SMAD9: variants seen among roughly 807,000 people sequenced by gnomAD.
SMAD9 encodes the protein MAD homolog 9.
In SMAD9, 36 loss-of-function variants were observed where a neutral mutation model predicts 46.1. That is an observed-to-expected ratio of 0.78 (90% CI 0.60 to 1.03). The LOEUF (loss-of-function observed/expected upper bound fraction) is 1.03. SMAD9 is among the 50% of genes least tolerant of loss of function. The pLI, the probability that SMAD9 is intolerant of heterozygous loss-of-function variation, is 0.00. For missense variants in SMAD9, 572 were observed against 599.8 expected, an observed-to-expected ratio of 0.95 and a Z score of 0.48; for synonymous variants, 245 against 237.1, an observed-to-expected ratio of 1.03 and a Z score of -0.31.
intron 1 of SMAD9, among the ~76,000 whole-genome samples, chr13:36,906,409 T>C (rs2058620459): frequency 6.6e-6 from 1 of 152,064 alleles, no homozygotes; most frequent in African/African-American, 2.4e-5. Flanking sequence ...TCTCGAGAAA[T>C]ACCTCACTAA....
intron 1 of SMAD9, among the ~76,000 whole-genome samples, chr13:36,883,450 A>G (rs1477680389): frequency 6.6e-6 from 1 of 152,242 alleles, no homozygotes; most frequent in Non-Finnish European, 1.5e-5. Flanking sequence ...AATCACAGTT[A>G]AAAATAAATA....
chr13:36,845,443 A>AAAT lies in SMAD9; in HGVS notation c.*3230_*3232dup, dbSNP rs1335587210. The AAAT allele has an allele frequency of 1.3e-5, 2 of 152,238 alleles. No homozygotes were observed. The highest frequency in any genetic ancestry group is 2.4e-5 in the African/African-American group (1 of 41,470). 9.4% of individuals were successfully genotyped at this position (152,238 alleles called of 1,614,324 possible). A position where few individuals can be genotyped will look rare whatever the true frequency, so the allele number is the denominator to read the frequency against. On this transcript the variant is annotated 3_prime_UTR_variant, in exon 7 of 7. Coordinates refer to ENST00000379826, the MANE Select transcript of SMAD9 (RefSeq NM_001127217.3). ...AACTTTTCACAATTTTTTAACAGAA[A>AAAT]AATAATAAACCAACAACAAAAACTG...
At chr13:36,911,217 C>T (rs957006957) in intron 1 of SMAD9, among the ~76,000 whole-genome samples, 9 of 151,952 alleles carry the variant, frequency 5.9e-5, no homozygotes, top group Admixed American at 5.2e-4. Context: ...ACCATGTTGT[C>T]CAGGCTGGTC....
At chr13:36,915,771 T>C (rs896655174) in intron 1 of SMAD9, among the ~76,000 whole-genome samples, 1 of 152,234 alleles carries the variant, frequency 6.6e-6, no homozygotes, top group Non-Finnish European at 1.5e-5. Flanking sequence ...CACACACATA[T>C]ACAATCCACC....
chr13:36,894,820 A>C (rs963420646), intron 1 of SMAD9, among the ~76,000 whole-genome samples: 2 of 152,174 alleles, frequency 1.3e-5, no homozygotes, highest in African/African-American at 4.8e-5. Context: ...CCCAAGTGAC[A>C]TCTCATTGAG....
chr13:36,901,078 G>T (rs1025251697), intron 1 of SMAD9, among the ~76,000 whole-genome samples: 2 of 152,138 alleles, frequency 1.3e-5, no homozygotes, highest in African/African-American at 4.8e-5. Context: ...ATAAACAATT[G>T]ATAGATATAG....
chr13:36,853,791 C>A (rs1278906711), intron 5 of SMAD9, 116 bp from the exon 6 acceptor site: 2 of 1,003,186 alleles, frequency 2.0e-6, no homozygotes, highest in South Asian at 1.3e-5. Context: ...GATCACTGAT[C>A]AGATGAATGA....
At chr13:36,855,790 G>A (rs2058118529) in intron 5 of SMAD9, among the ~76,000 whole-genome samples, 1 of 152,134 alleles carries the variant, frequency 6.6e-6, no homozygotes, top group African/African-American at 2.4e-5. Flanking sequence ...TAAAATTTTA[G>A]AAAAGAACAA....
intron 5 of SMAD9, among the ~76,000 whole-genome samples, chr13:36,859,561 A>G (rs572945633): frequency 6.6e-6 from 1 of 152,340 alleles, no homozygotes; most frequent in South Asian, 2.1e-4. Flanking sequence ...CACCAGTGCC[A>G]TGACAATTTA....
chr13:36,906,203 G>T (rs2058619081), intron 1 of SMAD9, among the ~76,000 whole-genome samples: 1 of 152,048 alleles, frequency 6.6e-6, no homozygotes, highest in South Asian at 2.1e-4. Context: ...TATCTCTTAT[G>T]CTGGCTAGGT....
intron 1 of SMAD9, among the ~76,000 whole-genome samples, chr13:36,915,636 A>G (rs373989983): frequency 2.6e-5 from 4 of 152,290 alleles, no homozygotes; most frequent in African/African-American, 7.2e-5. Context: ...AGAACTACAT[A>G]GGTCTCCTTT....
chr13:36,878,123 AGAG>A (rs201571300), intron 2 of SMAD9, among the ~76,000 whole-genome samples: 3,976 of 152,248 alleles, frequency 0.026, 70 homozygotes, highest in South Asian at 0.043. Flanking sequence ...GGCTTCTCCA[AGAG>A]GAGGAGGAAA....
chr13:36,868,174 A>G (rs1179599483), intron 3 of SMAD9, among the ~76,000 whole-genome samples: 1 of 152,240 alleles, frequency 6.6e-6, no homozygotes, highest in Non-Finnish European at 1.5e-5. Flanking sequence ...AAGTGTACAC[A>G]AAAATTGCCA....
At chr13:36,905,097 G>A (rs1950092372) in intron 1 of SMAD9, among the ~76,000 whole-genome samples, 1 of 152,172 alleles carries the variant, frequency 6.6e-6, no homozygotes. Context: ...ATTTTTGGTT[G>A]TTGTAACTGG....
In SMAD9 at chr13:36,909,952, T is replaced by C. The variant is rs536445330; in HGVS notation, c.-187+10164A>G. 2.0e-5 allele frequency among the ~76,000 whole-genome samples: 3 copies of C among 152,144 alleles called. No individual in the cohort carries two copies. In the East Asian group the frequency reaches 5.8e-4, roughly 29 times the overall value. Reference sequence around the variant, plus strand: ...GTGGCTCACGCCTGTAATCCCAGCATTTTGGGAGGCCGAGGCGGGTGGATC... The same window carrying C: ...GTGGCTCACGCCTGTAATCCCAGCACTTTGGGAGGCCGAGGCGGGTGGATC... On this transcript the variant is annotated intron_variant, in intron 1 of 6. Transcript: ENST00000379826.
intron 1 of SMAD9, among the ~76,000 whole-genome samples, chr13:36,895,494 T>A (rs186519311): frequency 3.2e-4 from 49 of 152,286 alleles, no homozygotes; most frequent in African/African-American, 1.1e-3. Flanking sequence ...CCCATCAAAT[T>A]GTGATGACAA....
chr13:36,920,240 G>C (rs1434073741), upstream of SMAD9: 1 of 157,468 alleles, frequency 6.4e-6, no homozygotes, highest in Non-Finnish European at 1.4e-5. Context: ...AGTCAGACTG[G>C]AGCCGCGAAG....
intron 1 of SMAD9, among the ~76,000 whole-genome samples, chr13:36,894,530 T>C (rs2058512897): frequency 6.6e-6 from 1 of 152,142 alleles, no homozygotes; most frequent in Non-Finnish European, 1.5e-5. Flanking sequence ...CTCATAAAGT[T>C]ACAAAACTAA....
At chr13:36,890,629 G>A (rs1486134184) in intron 1 of SMAD9, among the ~76,000 whole-genome samples, 3 of 152,136 alleles carry the variant, frequency 2.0e-5, no homozygotes, top group African/African-American at 4.8e-5. Context: ...GTTTAAAACT[G>A]GTTTTGCAGG....
Sources: gnomAD v4.1 joint callset for allele counts (sites outside exome capture counted in the v4.1 genomes callset) on GRCh38, gnomAD v4.1.1 for gene constraint, MANE v1.5 for transcripts, NCBI Gene and HGNC (gene_info 2026-07-23, HGNC 2026-07-21) for gene names.